SH3D19: variants seen among roughly 807,000 people sequenced by gnomAD.
SH3D19 encodes SH3 domain-containing protein 19.
SH3D19 carries 58 observed loss-of-function variants against 112.1 expected under a neutral mutation model. The observed-to-expected ratio is 0.52, with a 90% CI of 0.42 to 0.64. The LOEUF is 0.64. Ranked by LOEUF, SH3D19 falls within the 30% of genes least tolerant of loss-of-function variation. The probability of loss-of-function intolerance (pLI) is 0.00; values close to 1 mark genes in which losing one functional copy is unlikely to be tolerated. For missense variants in SH3D19, 1,090 were observed against 1,263.4 expected (o/e 0.86, Z 2.08); for synonymous variants, 391 against 448.5 (o/e 0.87, Z 1.62).
At chr4:151,200,221 T>TACAC (rs1561330817) in intron 2 of SH3D19, among the ~76,000 whole-genome samples, 4 of 151,894 alleles carry the variant, frequency 2.6e-5, no homozygotes, top group Middle Eastern at 3.2e-3. Flanking sequence ...GACTAACACA[T>TACAC]ACATACATAC....
intron 1 of SH3D19, among the ~76,000 whole-genome samples, chr4:151,268,648 T>A (rs1241591152): frequency 7.4e-6 from 1 of 134,322 alleles, no homozygotes; most frequent in Non-Finnish European, 1.6e-5. Context: ...TGTCCATGTG[T>A]TCTCATTGTT....
chr4:151,130,931 C>T (rs1318671609), intron 17 of SH3D19, among the ~76,000 whole-genome samples: 4 of 150,000 alleles, frequency 2.7e-5, no homozygotes, highest in African/African-American at 9.8e-5. Flanking sequence ...CGGAGTAAGA[C>T]TCCGTCTCAA....
At chr4:151,234,405 TAG>T (rs1170118709) in intron 1 of SH3D19, among the ~76,000 whole-genome samples, 1 of 152,102 alleles carries the variant, frequency 6.6e-6, no homozygotes, top group Non-Finnish European at 1.5e-5. Flanking sequence ...GTGAATTTGG[TAG>T]AGACTTTAGG....
Position 151,318,781 on chromosome 4 carries a change from T to C in SH3D19, c.112+6460A>G, listed in dbSNP as rs186624994. Among the ~76,000 whole-genome samples, 136 of 152,340 alleles carry C rather than the reference T, an allele frequency of 8.9e-4. 1 individual carries two copies. The highest frequency in any genetic ancestry group is 2.9e-3 in the East Asian group (15 of 5,196). On this transcript the variant is annotated intron_variant, in intron 1 of 19. Coordinates refer to ENST00000604030, the MANE Select transcript of SH3D19 (RefSeq NM_001378122.1). ...AAATAAAGAATAGAAGCAGAGAGGT[T>C]ACGTAACTTGTCCAAGGTCACACAG...
chr4:151,135,230 A>G, intron 14 of SH3D19, 98 bp from the exon 15 acceptor site: 1 of 955,468 alleles, frequency 1.0e-6, no homozygotes, highest in Non-Finnish European at 1.6e-6. Flanking sequence ...ACTGAAATCG[A>G]TCGGTTTAGC....
At chr4:151,180,279 T>C (rs1579990807) in intron 3 of SH3D19, among the ~76,000 whole-genome samples, 1 of 152,324 alleles carries the variant, frequency 6.6e-6, no homozygotes, top group South Asian at 2.1e-4. Context: ...CAGCACTGAC[T>C]TTTTCCTTAA....
At chr4:151,139,413 A>G (rs1199652086) in intron 13 of SH3D19, among the ~76,000 whole-genome samples, 1 of 152,020 alleles carries the variant, frequency 6.6e-6, no homozygotes, top group Non-Finnish European at 1.5e-5. Context: ...CGGCCTCCCA[A>G]AGTGCTGGGA....
intron 4 of SH3D19, 65 bp from the exon 5 acceptor site, chr4:151,177,020 G>A: frequency 8.2e-7 from 1 of 1,219,036 alleles, no homozygotes; most frequent in Non-Finnish European, 1.0e-6. Flanking sequence ...ATCTATAAAT[G>A]TTCAAAGATT....
At position 151,174,970 on chromosome 4, in the gene SH3D19, C is replaced by T. The variant is rs1159406076; in HGVS notation, c.1234G>A (p.Gly412Arg). Reference sequence around the variant, plus strand: ...GGGGCAGGAGTTGGCACTTTCTTCCCACTATCAGAGCTCTCAGCCAGGGGC... The same window carrying T: ...GGGGCAGGAGTTGGCACTTTCTTCCTACTATCAGAGCTCTCAGCCAGGGGC... Reference protein sequence around the residue: ...RGPLAESSDSGKKVPTPAPRP... With the variant: ...RGPLAESSDSRKKVPTPAPRP... The change falls in exon 7 of 20, where the codon GGG becomes AGG. Residue 412 changes from glycine to arginine, a missense_variant. Gly to Arg is a moderately radical substitution (Grantham distance 125, BLOSUM62 -2). Coordinates refer to ENST00000604030, the MANE Select transcript of SH3D19 (RefSeq NM_001378122.1). The T allele has an allele frequency of 8.7e-6, 14 of 1,614,180 alleles. No homozygotes were observed. Among genetic ancestry groups the T allele is most frequent in the Non-Finnish European group, 1.0e-5 (12 of 1,180,016 alleles).
intron 10 of SH3D19, among the ~76,000 whole-genome samples, chr4:151,148,950 A>G (rs1754437895): frequency 6.6e-6 from 1 of 152,128 alleles, no homozygotes; most frequent in Non-Finnish European, 1.5e-5. Context: ...AGGCAGGAGA[A>G]TCGCTTGAAC....
intron 2 of SH3D19, among the ~76,000 whole-genome samples, chr4:151,217,731 C>T (rs1767356234): frequency 6.6e-6 from 1 of 152,004 alleles, no homozygotes; most frequent in Non-Finnish European, 1.5e-5. Flanking sequence ...CATAAAGATG[C>T]TTATTGCAAC....
intron 1 of SH3D19, among the ~76,000 whole-genome samples, chr4:151,279,553 C>T (rs553882859): frequency 5.3e-5 from 8 of 152,144 alleles, no homozygotes; most frequent in Non-Finnish European, 1.0e-4. Flanking sequence ...GTTAATGATA[C>T]CCTATTTCTT....
intron 1 of SH3D19, among the ~76,000 whole-genome samples, chr4:151,276,518 C>T (rs1773641307): frequency 6.6e-6 from 1 of 152,160 alleles, no homozygotes. Context: ...TAGCTCAGTA[C>T]AGAAAGTCTC....
In SH3D19 at chr4:151,282,207, G is replaced by A. The variant is rs1272355796; in HGVS notation, c.112+43034C>T. The A allele has an allele frequency of 4.3e-6, 7 of 1,613,894 alleles. No homozygotes were observed. In the South Asian group the frequency reaches 7.7e-5, roughly 18 times the overall value. The stretch of plus-strand genomic sequence containing the variant: ...GGATCGATTACAGTAGGTGACTCAA[G>A]GAAACGTGTGAAGTACTACGTGTCC... On this transcript the variant is annotated intron_variant, in intron 1 of 19. Transcript: ENST00000604030.
intron 1 of SH3D19, among the ~76,000 whole-genome samples, chr4:151,244,498 C>G (rs1419039624): frequency 6.6e-6 from 1 of 152,186 alleles, no homozygotes; most frequent in Non-Finnish European, 1.5e-5. Context: ...ATGACTTCTT[C>G]TCAGAATTAT....
intron 9 of SH3D19, 107 bp from the exon 10 acceptor site, chr4:151,149,668 T>A: frequency 1.1e-6 from 1 of 923,176 alleles, no homozygotes; most frequent in Non-Finnish European, 1.7e-6. Context: ...AGAAATGCAG[T>A]TGAATTATAG....
In SH3D19 at chr4:151,290,246, T is replaced by C. The variant is rs767179736; in HGVS notation, c.112+34995A>G. On this transcript the variant is annotated intron_variant, in intron 1 of 19. Coordinates refer to ENST00000604030, the MANE Select transcript of SH3D19 (RefSeq NM_001378122.1). ...AGACACGAACCATCATGCTGGGCCA[T>C]AGAAGCATTATTTATAATATAATAG... 5.3e-5 allele frequency among the ~76,000 whole-genome samples: 8 copies of C among 152,292 alleles called. No individual in the cohort carries two copies. The East Asian group carries it at 7.7e-4, about 15-fold the overall frequency.
intron 1 of SH3D19, chr4:151,226,470 G>T: frequency 1.0e-6 from 1 of 990,614 alleles, no homozygotes. Flanking sequence ...AATCATGGTT[G>T]GCAGAAGCTT....
Position 151,128,158 on chromosome 4 carries a change from C to A in SH3D19, c.2929+12G>T, listed in dbSNP as rs763895514. On this transcript the variant is annotated intron_variant, in intron 18 of 19. Coordinates refer to ENST00000604030, the MANE Select transcript of SH3D19 (RefSeq NM_001378122.1). The stretch of plus-strand genomic sequence containing the variant: ...CGTGAGGAGTCGCATTCATGTCTTG[C>A]GGTTGTCATACCTGGGCAGGGCCTC... 5 of 1,582,220 alleles carry A rather than the reference C, an allele frequency of 3.2e-6. No homozygotes were observed. Among genetic ancestry groups the A allele is most frequent in the Non-Finnish European group, 4.3e-6 (5 of 1,164,306 alleles).
Sources: gnomAD v4.1 joint callset for allele counts (sites outside exome capture counted in the v4.1 genomes callset) on GRCh38, gnomAD v4.1.1 for gene constraint, MANE v1.5 for transcripts, NCBI Gene and HGNC (gene_info 2026-07-23, HGNC 2026-07-21) for gene names.